The following ATF7IP2 variants were observed in gnomAD, a reference collection of about 807,000 sequenced individuals.
ATF7IP2 encodes activating transcription factor 7 interacting protein 2, also known as activating transcription factor 7-interacting protein 2.
Under a neutral mutation model 64.2 loss-of-function variants are expected in ATF7IP2, and 42 were observed. The ratio of observed to expected loss-of-function variants is 0.65; its 90% CI spans 0.51 to 0.85. ATF7IP2 has a LOEUF of 0.85. ATF7IP2 is among the 40% of genes least tolerant of loss of function. ATF7IP2 has a pLI of 0.00. For synonymous variants in ATF7IP2, 308 were observed against 272.8 expected, an observed-to-expected ratio of 1.13 and a Z score of -1.27; for missense variants, 933 against 784.2, an observed-to-expected ratio of 1.19 and a Z score of -2.27.
chr16:10,435,358 T>C (rs546649333), intron 6 of ATF7IP2, among the ~76,000 whole-genome samples: 160 of 152,354 alleles, frequency 1.1e-3, no homozygotes, highest in East Asian at 4.0e-3. Flanking sequence ...TTATTCACTC[T>C]ACCCATTATC....
At chr16:10,439,872 T>C (rs2048554331) in intron 7 of ATF7IP2, among the ~76,000 whole-genome samples, 1 of 150,996 alleles carries the variant, frequency 6.6e-6, no homozygotes, top group Non-Finnish European at 1.5e-5. Flanking sequence ...TTTAATATTA[T>C]ACAAGCATAG....
intron 1 of ATF7IP2, among the ~76,000 whole-genome samples, chr16:10,408,857 A>T (rs1243187139): frequency 6.6e-6 from 1 of 152,130 alleles, no homozygotes; most frequent in Admixed American, 6.6e-5. Context: ...AGTCCTGCCT[A>T]TTCATCTTTG....
chr16:10,412,453 G>C (rs924600854), intron 1 of ATF7IP2, among the ~76,000 whole-genome samples: 1 of 152,072 alleles, frequency 6.6e-6, no homozygotes, highest in Non-Finnish European at 1.5e-5. Flanking sequence ...TTCAGGAGCA[G>C]GTTATTTAAT....
intron 7 of ATF7IP2, 113 bp downstream of exon 7, chr16:10,438,348 A>G: frequency 8.9e-7 from 1 of 1,117,646 alleles, no homozygotes; most frequent in Non-Finnish European, 1.2e-6. Context: ...GAGCTCAAGC[A>G]ATCCTACCAC....
At chr16:10,446,620 T>C (rs963250683) in intron 8 of ATF7IP2, 2 of 152,218 alleles carry the variant, frequency 1.3e-5, no homozygotes, top group Non-Finnish European at 2.9e-5. Context: ...GGTTCGAGGA[T>C]TGGTTCCTGG....
At chr16:10,390,041 G>C (rs1187800748) in intron 1 of ATF7IP2, among the ~76,000 whole-genome samples, 2 of 151,890 alleles carry the variant, frequency 1.3e-5, no homozygotes, top group Non-Finnish European at 2.9e-5. Context: ...TAGTTAAATG[G>C]GTTTTTTCTA....
At chr16:10,390,627 ATG>A (rs771317762) in intron 1 of ATF7IP2, among the ~76,000 whole-genome samples, 5 of 152,056 alleles carry the variant, frequency 3.3e-5, no homozygotes, top group Admixed American at 6.6e-5. Context: ...CTACAAAACA[ATG>A]TTTTGTAAAA....
chr16:10,439,005 A>G lies in ATF7IP2; in HGVS notation c.1095+770A>G, dbSNP rs570994168. ...GAGGCAGATATTGCAGTGAGCAGAGATTGCACCACTGCACTCCAGTCTGCC... is the reference window on the plus strand; with the variant it reads ...GAGGCAGATATTGCAGTGAGCAGAGGTTGCACCACTGCACTCCAGTCTGCC... On this transcript the variant is annotated intron_variant, in intron 7 of 13. Transcript: ENST00000562102. Among the ~76,000 whole-genome samples, 13 of 140,606 alleles carry G rather than the reference A, an allele frequency of 9.2e-5. No individual in the cohort carries two copies. In the South Asian group the frequency reaches 3.1e-3, roughly 34 times the overall value. 92.2% of individuals were successfully genotyped at this position (140,606 alleles called of 152,430 possible).
intron 7 of ATF7IP2, among the ~76,000 whole-genome samples, 198 bp from the exon 8 acceptor site, chr16:10,440,166 A>T (rs2048565298): frequency 6.6e-6 from 1 of 151,900 alleles, no homozygotes; most frequent in South Asian, 2.1e-4. Context: ...ATCTCAAAAA[A>T]AAATTTTTTT....
chr16:10,474,563 A>C (rs549672117), intron 12 of ATF7IP2, among the ~76,000 whole-genome samples: 1 of 152,340 alleles, frequency 6.6e-6, no homozygotes, highest in African/African-American at 2.4e-5. Context: ...GAGAGTGACA[A>C]CAGTGTCTGT....
rs1368375680 is a variant in ATF7IP2, at chr16:10,430,587, T to C, written c.-10-24T>C. On this transcript the variant is annotated intron_variant, in intron 4 of 13. Coordinates refer to ENST00000562102, the MANE Select transcript of ATF7IP2 (RefSeq NM_001393719.1). ...CTTTTATTCACTAGAGAAATGCATT[T>C]AAATATGATGTCTTAAATTCCAGGA... 2.7e-6 allele frequency: 4 copies of C among 1,463,858 alleles called. No homozygotes were observed. In the Admixed American group the frequency reaches 7.9e-5, roughly 29 times the overall value. The allele number at this position is 1,463,858 out of a possible 1,614,324, so 90.7% of individuals were successfully genotyped here.
At chr16:10,391,620 G>A (rs145704061) in intron 1 of ATF7IP2, among the ~76,000 whole-genome samples, 442 of 152,160 alleles carry the variant, frequency 2.9e-3, no homozygotes, top group East Asian at 9.1e-3. Context: ...GAATGAGGCC[G>A]GGTGCAGTGG....
chr16:10,471,983 C>CTATTTAT lies in ATF7IP2; in HGVS notation c.1353-127_1353-126insTATTTAT, dbSNP rs2049816921. On this transcript the variant is annotated intron_variant, in intron 9 of 13. Coordinates refer to ENST00000562102, the MANE Select transcript of ATF7IP2 (RefSeq NM_001393719.1). The stretch of plus-strand genomic sequence containing the variant: ...GTATTTGGTTTTATCATTTCTATTT[C>CTATTTAT]CCCCCACGATTGTTCAATTAAAACA... The CTATTTAT allele has an allele frequency of 2.7e-5, 12 of 439,008 alleles. No homozygotes were observed. In the South Asian group the frequency reaches 6.6e-4, roughly 24 times the overall value. The allele number at this position is 439,008 out of a possible 1,614,324, so 27.2% of individuals were successfully genotyped here.
At chr16:10,444,822 G>T (rs2048748279) in intron 8 of ATF7IP2, among the ~76,000 whole-genome samples, 1 of 152,100 alleles carries the variant, frequency 6.6e-6, no homozygotes, top group African/African-American at 2.4e-5. Flanking sequence ...TCCATTATCT[G>T]AATCAATGTT....
intron 9 of ATF7IP2, among the ~76,000 whole-genome samples, chr16:10,468,824 G>A (rs1203518780): frequency 1.3e-5 from 2 of 152,176 alleles, no homozygotes; most frequent in East Asian, 3.8e-4. Flanking sequence ...CTGGCTAGAA[G>A]AAAGATTGGT....
At chr16:10,475,930 T>G (rs114084924) in intron 12 of ATF7IP2, among the ~76,000 whole-genome samples, 30 of 152,264 alleles carry the variant, frequency 2.0e-4, no homozygotes, top group African/African-American at 6.0e-4. Context: ...AAACATTACT[T>G]GGGTTGGAAT....
chr16:10,391,414 C>G (rs971187948), intron 1 of ATF7IP2, among the ~76,000 whole-genome samples: 1 of 152,080 alleles, frequency 6.6e-6, no homozygotes, highest in Non-Finnish European at 1.5e-5. Flanking sequence ...GAGTGAAACT[C>G]TGTGTCAAAT....
At chr16:10,443,019 G>T (rs1320197595) in intron 8 of ATF7IP2, among the ~76,000 whole-genome samples, 3 of 152,134 alleles carry the variant, frequency 2.0e-5, no homozygotes, top group African/African-American at 7.2e-5. Flanking sequence ...GGCCTCTCTT[G>T]TTTTATGGTG....
chr16:10,461,184 T>A (rs988463474), intron 9 of ATF7IP2, among the ~76,000 whole-genome samples: 1 of 152,084 alleles, frequency 6.6e-6, no homozygotes, highest in Admixed American at 6.6e-5. Context: ...CATTTAAAAA[T>A]CTGACTACTG....
Sources: gnomAD v4.1 joint callset for allele counts (sites outside exome capture counted in the v4.1 genomes callset) on GRCh38, gnomAD v4.1.1 for gene constraint, MANE v1.5 for transcripts, NCBI Gene and HGNC (gene_info 2026-07-23, HGNC 2026-07-21) for gene names.